Variants in KCNMB3 observed in about 807,000 individuals in gnomAD.
KCNMB3 encodes the protein calcium-activated potassium channel subunit beta-3.
In KCNMB3, 18 loss-of-function variants were observed where a neutral mutation model predicts 11.9. That is an observed-to-expected ratio of 1.51 (90% CI 1.04 to 2.23). The LOEUF is 2.23. Among genes scored for constraint, KCNMB3 ranks in the 30% most tolerant of loss-of-function variants. KCNMB3 has a pLI of 0.00. For missense variants in KCNMB3, 247 were observed against 329.4 expected (o/e 0.75, Z 1.94); for synonymous variants, 78 against 119.2 (o/e 0.65, Z 2.25).
downstream of KCNMB3, chr3:179,242,573 T>C (rs1725490811): frequency 5.0e-6 from 1 of 199,334 alleles, no homozygotes; most frequent in Admixed American, 5.4e-5. Flanking sequence ...GTAGATTAGA[T>C]ACCCTCATTG....
At chr3:179,264,016 G>C (rs866915463) in intron 1 of KCNMB3, among the ~76,000 whole-genome samples, 1 of 151,744 alleles carries the variant, frequency 6.6e-6, no homozygotes, top group Admixed American at 6.6e-5. Context: ...ATGTTGGCCA[G>C]GCTAGTCTCG....
At position 179,250,790 on chromosome 3, in the gene KCNMB3, T is replaced by C. The variant is rs1000684225; in HGVS notation, c.201A>G (p.Leu67=). The change falls in exon 1 of 3, where the codon CTA becomes CTG. Residue 67 remains leucine, a synonymous_variant. Coordinates refer to ENST00000392685, the MANE Select transcript of KCNMB3 (RefSeq NM_171830.2). ...TGGTTGTTCCGAGCAAGAAGAACAT[T>C]AGGACTGAGAAGCCCATCATGGCAA... ...LGFAMMGFSV[L]MFFLLGTTIL... is the part of the protein sequence containing the mutation. The C allele has an allele frequency of 1.2e-6, 2 of 1,614,148 alleles. No homozygotes were observed. The highest frequency in any genetic ancestry group is 1.3e-5 in the African/African-American group (1 of 75,022).
chr3:179,255,058 G>A (rs1475494599), upstream of KCNMB3, among the ~76,000 whole-genome samples: 5 of 151,874 alleles, frequency 3.3e-5, no homozygotes, highest in Admixed American at 2.0e-4. Flanking sequence ...CCAGCTACTC[G>A]GGAGGCTGAG....
At chr3:179,261,267 T>C in intron 1 of KCNMB3, 1 of 1,299,280 alleles carries the variant, frequency 7.7e-7, no homozygotes, top group Admixed American at 3.6e-5. Context: ...GCCGCGGGGC[T>C]GGTCAACCTG....
chr3:179,265,704 C>A (rs558913515), intron 1 of KCNMB3, among the ~76,000 whole-genome samples: 231 of 152,314 alleles, frequency 1.5e-3, no homozygotes, highest in African/African-American at 5.3e-3. Flanking sequence ...GTGATCCACT[C>A]ACCTCGGCCT....
chr3:179,247,657 TA>T (rs1045023432), intron 1 of KCNMB3, among the ~76,000 whole-genome samples: 6 of 152,064 alleles, frequency 3.9e-5, no homozygotes, highest in African/African-American at 1.4e-4. Context: ...TGGCGTCCAT[TA>T]AATGAAAGTA....
At chr3:179,267,038 G>A (rs554137300), upstream of KCNMB3, 5 of 651,732 alleles carry the variant, frequency 7.7e-6, no homozygotes, top group South Asian at 6.4e-5. Context: ...TTTCCGCCTC[G>A]GCAGCCGGGA....
At chr3:179,257,893 TGTGTG>T (rs542568373) in intron 1 of KCNMB3, among the ~76,000 whole-genome samples, 13 of 47,078 alleles carry the variant, frequency 2.8e-4, no homozygotes, top group East Asian at 0.016. Flanking sequence ...TGTGTGTGTG[TGTGTG>T]TTTTTTAGAC....
intron 1 of KCNMB3, chr3:179,260,897 T>TAC: frequency 8.7e-7 from 1 of 1,152,448 alleles, no homozygotes; most frequent in Non-Finnish European, 1.3e-6. Context: ...GTTTTCATTG[T>TAC]CTAACTGAGC....
intron 1 of KCNMB3, chr3:179,261,102 T>C: frequency 8.3e-7 from 1 of 1,209,008 alleles, no homozygotes; most frequent in South Asian, 1.2e-5. Flanking sequence ...GTAAAATATT[T>C]TTCTGGTCTC....
At chr3:179,266,807 C>T in exon 1 of KCNMB3, 1 of 1,510,122 alleles carries the variant, frequency 6.6e-7, no homozygotes, top group Non-Finnish European at 8.9e-7. Context: ...AAGTGGAGTC[C>T]CAGCGGGAGC....
chr3:179,262,607 T>C (rs564161362), intron 1 of KCNMB3, among the ~76,000 whole-genome samples: 4 of 152,360 alleles, frequency 2.6e-5, no homozygotes, highest in South Asian at 2.1e-4. Context: ...TATTCTCTTA[T>C]CTGGCCCCAC....
rs757795125 is a variant in KCNMB3 at position 179,244,583 on chromosome 3, G to C, written c.359C>G (p.Pro120Arg). Residue 120 changes from proline to arginine, a missense_variant, in exon 2 of 3, where the codon CCG (proline) becomes CGG (arginine). Transcript: ENST00000392685. Reference sequence around the variant, plus strand: ...GAGGTTCACAAACACCTGAAGACACGGGTACTTCCCCTGACCGTGGCAGTG... The same window carrying C: ...GAGGTTCACAAACACCTGAAGACACCGGTACTTCCCCTGACCGTGGCAGTG... ...GVHCHGQGKY[P>R]CLQVFVNLSH... 1 of 1,614,100 alleles carries C rather than the reference G, an allele frequency of 6.2e-7. No individual in the cohort carries two copies. Among genetic ancestry groups the C allele is most frequent in the Non-Finnish European group, 8.5e-7 (1 of 1,180,002 alleles).
intron 1 of KCNMB3, chr3:179,260,836 A>G: frequency 7.9e-7 from 1 of 1,260,710 alleles, no homozygotes; most frequent in Non-Finnish European, 1.2e-6. Context: ...GCTGTTCTTC[A>G]ATCTCCAGCA....
At chr3:179,255,323 CAT>C (rs1242006941), upstream of KCNMB3, among the ~76,000 whole-genome samples, 2 of 150,422 alleles carry the variant, frequency 1.3e-5, no homozygotes, top group African/African-American at 4.8e-5. Flanking sequence ...ACATCTGTAA[CAT>C]ATTTAAAGAA....
downstream of KCNMB3, chr3:179,241,435 A>G (rs1725452599): frequency 6.5e-6 from 1 of 154,398 alleles, no homozygotes; most frequent in South Asian, 2.0e-4. Context: ...CATCAAGTCA[A>G]TATTGCTGTA....
chr3:179,245,152 C>T (rs1725593059), intron 1 of KCNMB3, among the ~76,000 whole-genome samples: 1 of 152,120 alleles, frequency 6.6e-6, no homozygotes, highest in Non-Finnish European at 1.5e-5. Context: ...AATGCTGTAA[C>T]CACCAAGATT....
chr3:179,260,632 A>C, intron 1 of KCNMB3: 2 of 1,356,968 alleles, frequency 1.5e-6, no homozygotes, highest in South Asian at 2.4e-5. Flanking sequence ...ATCAAACATT[A>C]CTGAGAGTGT....
chr3:179,239,874 T>C (rs1476977249), downstream of KCNMB3: 12 of 592,158 alleles, frequency 2.0e-5, no homozygotes, highest in Non-Finnish European at 3.2e-5. Flanking sequence ...CCAGAAAGCA[T>C]TTGACACAGC....
Sources: allele counts gnomAD v4.1 joint callset (sites outside exome capture counted in the v4.1 genomes callset), GRCh38; gene constraint gnomAD v4.1.1; transcripts MANE v1.5; gene names NCBI Gene and HGNC (gene_info 2026-07-23, HGNC 2026-07-21).